Variants in SLC35F3 observed in about 807,000 individuals in gnomAD.
The protein encoded by SLC35F3 is putative thiamine transporter SLC35F3.
Under a neutral mutation model 49.9 loss-of-function variants are expected in SLC35F3, and 25 were observed. The ratio of observed to expected loss-of-function variants is 0.50; its 90% CI spans 0.37 to 0.70. SLC35F3 has a LOEUF of 0.70. Ranked by LOEUF, SLC35F3 falls within the 30% of genes least tolerant of loss-of-function variation. SLC35F3 has a pLI of 0.00. For missense variants in SLC35F3, 525 were observed against 639.8 expected, an observed-to-expected ratio of 0.82 and a Z score of 1.94; for synonymous variants, 275 against 265.4, an observed-to-expected ratio of 1.04 and a Z score of -0.35.
chr1:234,062,834 C>A (rs372493931), intron 2 of SLC35F3, among the ~76,000 whole-genome samples: 2 of 148,492 alleles, frequency 1.3e-5, no homozygotes, highest in Non-Finnish European at 1.5e-5. Flanking sequence ...GTGCCCACCA[C>A]GCCTGGCTAA....
intron 3 of SLC35F3, among the ~76,000 whole-genome samples, chr1:234,295,604 A>T (rs1312623111): frequency 6.6e-6 from 1 of 152,252 alleles, no homozygotes; most frequent in Non-Finnish European, 1.5e-5. Flanking sequence ...TTAGAATCCT[A>T]GATCCCTGAA....
intron 2 of SLC35F3, among the ~76,000 whole-genome samples, chr1:233,983,078 A>G (rs148893822): frequency 2.3e-4 from 35 of 152,322 alleles, no homozygotes; most frequent in African/African-American, 7.9e-4. Context: ...TGCTCTTACT[A>G]GAAGCTCATT....
chr1:234,319,567 T>C (rs1657567874), intron 6 of SLC35F3, among the ~76,000 whole-genome samples: 1 of 150,514 alleles, frequency 6.6e-6, no homozygotes, highest in Non-Finnish European at 1.5e-5. Flanking sequence ...CCAGGTGCAG[T>C]GGTGTGCACC....
chr1:234,223,801 A>C (rs939465868), intron 2 of SLC35F3, among the ~76,000 whole-genome samples: 11 of 152,130 alleles, frequency 7.2e-5, no homozygotes, highest in Non-Finnish European at 1.6e-4. Flanking sequence ...TTAAAAAAGG[A>C]CATTTTTTTA....
intron 2 of SLC35F3, among the ~76,000 whole-genome samples, chr1:234,059,713 C>G (rs1043693827): frequency 6.6e-6 from 1 of 152,116 alleles, no homozygotes; most frequent in African/African-American, 2.4e-5. Context: ...TACTTATCAA[C>G]TTACATGATC....
At chr1:233,962,319 A>G (rs930357988) in intron 2 of SLC35F3, among the ~76,000 whole-genome samples, 14 of 152,262 alleles carry the variant, frequency 9.2e-5, no homozygotes, top group African/African-American at 3.4e-4. Context: ...CAATGTATAT[A>G]CTTATCAAAC....
intron 2 of SLC35F3, among the ~76,000 whole-genome samples, chr1:233,983,035 T>C (rs1663210814): frequency 6.6e-6 from 1 of 152,198 alleles, no homozygotes; most frequent in Non-Finnish European, 1.5e-5. Context: ...GCGCAGTTCC[T>C]GTAGCTCTCC....
At chr1:234,177,106 A>G (rs1039673832) in intron 2 of SLC35F3, among the ~76,000 whole-genome samples, 1 of 152,130 alleles carries the variant, frequency 6.6e-6, no homozygotes, top group Non-Finnish European at 1.5e-5. Context: ...CACTGTTCTC[A>G]TGAGAGTGAA....
Position 234,292,726 on chromosome 1 carries a change from C to G in SLC35F3, c.609-16375C>G, listed in dbSNP as rs550145054. On this transcript the variant is annotated intron_variant, in intron 3 of 7. Transcript: ENST00000366618. ...GCTGCTGTTTAGAGTTGCCCTTGTT[C>G]TTATGAACTGTCAGTTCCCTGCCAT... 1.3e-4 allele frequency among the ~76,000 whole-genome samples: 20 copies of G among 152,252 alleles called. No individual in the cohort carries two copies. The South Asian group carries it at 3.5e-3, about 27-fold the overall frequency.
chr1:234,143,182 G>T (rs1191849901), intron 2 of SLC35F3, among the ~76,000 whole-genome samples: 2 of 151,860 alleles, frequency 1.3e-5, no homozygotes, highest in South Asian at 2.1e-4. Flanking sequence ...TACCCTTTAA[G>T]CTACGTCCCT....
At chr1:233,920,519 G>A (rs925479914) in intron 2 of SLC35F3, among the ~76,000 whole-genome samples, 2 of 152,258 alleles carry the variant, frequency 1.3e-5, no homozygotes, top group Non-Finnish European at 1.5e-5. Flanking sequence ...GGAGTGGGAT[G>A]TCAGGGTTGT....
At chr1:234,225,533 C>A (rs1429840275) in intron 2 of SLC35F3, among the ~76,000 whole-genome samples, 1 of 152,162 alleles carries the variant, frequency 6.6e-6, no homozygotes, top group Non-Finnish European at 1.5e-5. Flanking sequence ...CATTTGGACG[C>A]AATTAGATGC....
At chr1:234,101,275 G>A (rs571842231) in intron 2 of SLC35F3, among the ~76,000 whole-genome samples, 157 of 152,098 alleles carry the variant, frequency 1.0e-3, no homozygotes, top group African/African-American at 3.6e-3. Flanking sequence ...CATGAGGGTA[G>A]AGAGCCTCCC....
At chr1:234,218,125 CA>C (rs1248119901) in intron 2 of SLC35F3, among the ~76,000 whole-genome samples, 2 of 152,218 alleles carry the variant, frequency 1.3e-5, no homozygotes, top group Non-Finnish European at 2.9e-5. Flanking sequence ...CTTGTTTTCA[CA>C]GATCCTTTGC....
intron 3 of SLC35F3, among the ~76,000 whole-genome samples, chr1:234,286,813 G>A (rs11589137): frequency 0.13 from 19,330 of 152,216 alleles, 1,429 homozygotes; most frequent in Non-Finnish European, 0.17. Flanking sequence ...GTCACGACAT[G>A]ACAAAGGCGG....
chr1:234,249,688 G>C (rs1312622752), intron 3 of SLC35F3, among the ~76,000 whole-genome samples: 1 of 152,174 alleles, frequency 6.6e-6, no homozygotes, highest in African/African-American at 2.4e-5. Context: ...CATCCTAAGG[G>C]TAAAAGCCAG....
chr1:234,318,727 G>T (rs376372057), intron 5 of SLC35F3, 24 bp from the exon 6 acceptor site: 11 of 1,607,830 alleles, frequency 6.8e-6, no homozygotes, highest in Non-Finnish European at 9.4e-6. Context: ...CCTTCACCCC[G>T]TCCTCCTCTG....
chr1:233,912,269 G>A (rs755025040), intron 2 of SLC35F3, among the ~76,000 whole-genome samples: 15 of 152,132 alleles, frequency 9.9e-5, no homozygotes, highest in Admixed American at 2.0e-4. Context: ...CACGAGGTCA[G>A]GAGTTCAATA....
chr1:234,214,074 C>T lies in SLC35F3; in HGVS notation c.284-17343C>T. The T allele has an allele frequency of 2.8e-5, 18 of 652,610 alleles. No individual in the cohort carries two copies. Among genetic ancestry groups the T allele is most frequent in the Non-Finnish European group, 3.3e-5 (17 of 521,682 alleles). 40.4% of individuals were successfully genotyped at this position (652,610 alleles called of 1,614,324 possible). ...GCGCTGGTCCTTTTAAAGGGCTTCT[C>T]AGAGAGGTGGTGGCCAGAGGCTGCA... On this transcript the variant is annotated intron_variant, in intron 2 of 7. Transcript: ENST00000366618. This position sits in a 1 kb window ranked among gnomAD's most constrained non-coding sequence, Gnocchi z 8.0.
Sources: gnomAD v4.1 joint callset for allele counts (sites outside exome capture counted in the v4.1 genomes callset) on GRCh38, gnomAD v4.1.1 for gene constraint, Gnocchi (gnomAD v3.1) non-coding constraint, MANE v1.5 for transcripts, NCBI Gene and HGNC (gene_info 2026-07-23, HGNC 2026-07-21) for gene names.